ADARB2: variants seen among roughly 807,000 people sequenced by gnomAD.
ADARB2 encodes inactive double-stranded RNA-specific editase B2.
Under a neutral mutation model 62.2 loss-of-function variants are expected in ADARB2, and 25 were observed. The ratio of observed to expected loss-of-function variants is 0.40; its 90% CI spans 0.29 to 0.56. The LOEUF is 0.56. Among genes scored for constraint, ADARB2 ranks in the 20% least tolerant of loss-of-function variants. The pLI is 0.43. For synonymous variants in ADARB2, 572 were observed against 500.8 expected, an observed-to-expected ratio of 1.14 and a Z score of -1.90; for missense variants, 1,071 against 1,077.4, an observed-to-expected ratio of 0.99 and a Z score of 0.08.
chr10:1,348,528 G>A (rs929363032), intron 3 of ADARB2, among the ~76,000 whole-genome samples: 2 of 152,170 alleles, frequency 1.3e-5, no homozygotes, highest in Admixed American at 6.5e-5. Context: ...TGGCCGGGAG[G>A]TGCCTCCCTC....
chr10:1,485,064 A>G (rs1831523475), intron 1 of ADARB2, among the ~76,000 whole-genome samples: 2 of 152,118 alleles, frequency 1.3e-5, no homozygotes, highest in African/African-American at 4.8e-5. Context: ...GAAGGTACCT[A>G]TGTAGGTATG....
intron 1 of ADARB2, among the ~76,000 whole-genome samples, chr10:1,517,438 TAGTAAGCCTAGAA>T (rs974865323): frequency 2.0e-5 from 3 of 152,300 alleles, no homozygotes; most frequent in Admixed American, 2.0e-4. Flanking sequence ...CTCTACTAGG[TAGTAAGCCTAGAA>T]TTCCACTTGG....
intron 1 of ADARB2, among the ~76,000 whole-genome samples, chr10:1,502,264 C>T (rs1831776435): frequency 6.6e-6 from 1 of 152,244 alleles, no homozygotes; most frequent in South Asian, 2.1e-4. Flanking sequence ...CACAACTGTC[C>T]AGCCAGTCAT....
chr10:1,403,137 C>T (rs1405707252), intron 1 of ADARB2, among the ~76,000 whole-genome samples: 2 of 152,248 alleles, frequency 1.3e-5, no homozygotes, highest in Non-Finnish European at 2.9e-5. Flanking sequence ...GCTGCCTCCA[C>T]TGGACCCTGA....
chr10:1,240,292 A>C (rs1327307885), intron 5 of ADARB2: 12 of 85,148 alleles, frequency 1.4e-4, no homozygotes, highest in East Asian at 3.0e-4. Flanking sequence ...CCCGGTGTTT[A>C]CTCCCCTCTC....
chr10:1,303,868 G>C (rs1181301134), intron 3 of ADARB2, among the ~76,000 whole-genome samples: 1 of 150,974 alleles, frequency 6.6e-6, no homozygotes, highest in African/African-American at 2.4e-5. Context: ...AGAGCTCCTG[G>C]AGGAAGCACT....
chr10:1,652,439 T>G (rs1035236062), intron 1 of ADARB2, among the ~76,000 whole-genome samples: 2 of 152,126 alleles, frequency 1.3e-5, no homozygotes, highest in Non-Finnish European at 1.5e-5. Flanking sequence ...GCATCCCACT[T>G]CCTTTCCAGA....
In ADARB2 at chr10:1,363,741, A is replaced by G. The variant is rs749722366; in HGVS notation, c.364T>C (p.Trp122Arg). Residue 122 changes from tryptophan (W) to arginine (R), a missense_variant, in exon 3 of 10, where the codon TGG (tryptophan) becomes CGG (arginine). Transcript: ENST00000381312. ...AGCGCGTTCTTGGGCGCCACCGACC[A>G]CGACAGCTTCTTCCAGACCAGCTGC... is the stretch of plus-strand genomic sequence containing the variant. ...KLQLVWKKLSWSVAPKNALVQ... is the reference protein window; with the variant it reads ...KLQLVWKKLSRSVAPKNALVQ... 2 of 1,608,646 alleles carry G rather than the reference A, an allele frequency of 1.2e-6. No homozygotes were observed. Among genetic ancestry groups the G allele is most frequent in the South Asian group, 2.2e-5 (2 of 91,026 alleles).
intron 1 of ADARB2, among the ~76,000 whole-genome samples, chr10:1,593,662 A>T (rs1239548075): frequency 6.6e-6 from 1 of 152,222 alleles, no homozygotes; most frequent in Non-Finnish European, 1.5e-5. Context: ...CTTTGAATTA[A>T]TTAATTTATG....
intron 1 of ADARB2, among the ~76,000 whole-genome samples, chr10:1,669,011 C>T (rs114874534): frequency 0.015 from 2,252 of 152,336 alleles, 50 homozygotes; most frequent in African/African-American, 0.046. Flanking sequence ...GACCGTCTCC[C>T]CTTGGCCCCT....
intron 4 of ADARB2, among the ~76,000 whole-genome samples, chr10:1,249,615 T>TGC (rs1831017828): frequency 2.1e-5 from 3 of 143,526 alleles, no homozygotes; most frequent in African/African-American, 8.7e-5. Flanking sequence ...TGTGATTTTA[T>TGC]GCACACACAC....
intron 1 of ADARB2, among the ~76,000 whole-genome samples, chr10:1,400,833 G>T (rs1309850038): frequency 6.6e-6 from 1 of 152,158 alleles, no homozygotes; most frequent in Non-Finnish European, 1.5e-5. Flanking sequence ...GAGTGGGAGG[G>T]CTTATGGCTT....
intron 6 of ADARB2, among the ~76,000 whole-genome samples, chr10:1,219,870 GTGGTGGTGA>G (rs200510347): frequency 7.0e-6 from 1 of 142,146 alleles, no homozygotes; most frequent in African/African-American, 2.6e-5. Flanking sequence ...GATGGTAATG[GTGGTGGTGA>G]TGATGGTGAT....
At chr10:1,683,837 C>A (rs193118232) in intron 1 of ADARB2, among the ~76,000 whole-genome samples, 325 of 152,294 alleles carry the variant, frequency 2.1e-3, no homozygotes, top group Non-Finnish European at 4.1e-3. Context: ...CATAAGAAGG[C>A]GGTGGGGCTG....
chr10:1,599,628 T>C (rs899385424), intron 1 of ADARB2, among the ~76,000 whole-genome samples: 7 of 152,240 alleles, frequency 4.6e-5, no homozygotes, highest in Non-Finnish European at 1.0e-4. Context: ...AGTTGGACTT[T>C]AAATCACAAC....
intron 1 of ADARB2, among the ~76,000 whole-genome samples, chr10:1,519,795 C>T (rs949390360): frequency 6.6e-6 from 1 of 152,130 alleles, no homozygotes; most frequent in Non-Finnish European, 1.5e-5. Context: ...TACCTCCCTT[C>T]GCCCTGCATG....
intron 1 of ADARB2, among the ~76,000 whole-genome samples, chr10:1,729,835 A>ACCT (rs1835210450): frequency 6.6e-6 from 1 of 152,194 alleles, no homozygotes; most frequent in East Asian, 1.9e-4. Context: ...ATCCTATTTT[A>ACCT]ATACCACCTT....
At chr10:1,429,065 G>A (rs1458952656) in intron 1 of ADARB2, among the ~76,000 whole-genome samples, 7 of 152,086 alleles carry the variant, frequency 4.6e-5, no homozygotes, top group Non-Finnish European at 8.8e-5. Flanking sequence ...AATAAGGTGG[G>A]TGGAGGGCAC....
At chr10:1,387,207 TA>T (rs947826536) in intron 1 of ADARB2, among the ~76,000 whole-genome samples, 1 of 151,476 alleles carries the variant, frequency 6.6e-6, no homozygotes, top group East Asian at 1.9e-4. Flanking sequence ...TGTCAGAAGC[TA>T]AAAAAAGAGA....
Sources: gnomAD v4.1 joint callset for allele counts (sites outside exome capture counted in the v4.1 genomes callset) on GRCh38, gnomAD v4.1.1 for gene constraint, MANE v1.5 for transcripts, NCBI Gene and HGNC (gene_info 2026-07-23, HGNC 2026-07-21) for gene names.